Variants in WTAP observed in about 807,000 individuals in gnomAD.
WTAP encodes WT1 associated protein, also known as pre-mRNA-splicing regulator WTAP.
Under a neutral mutation model 50.0 loss-of-function variants are expected in WTAP, and 8 were observed. The ratio of observed to expected loss-of-function variants is 0.16; its 90% CI spans 0.09 to 0.29. The LOEUF (loss-of-function observed/expected upper bound fraction) is 0.29, where lower values mean the gene tolerates loss of function less well. WTAP is among the 10% of genes least tolerant of loss of function. The pLI, the probability that WTAP is intolerant of heterozygous loss-of-function variation, is 1.00. For synonymous variants in WTAP, 194 were observed against 169.0 expected (o/e 1.15, Z -1.15); for missense variants, 295 against 470.7 (o/e 0.63, Z 3.45).
At chr6:159,745,596 G>A (rs1779527801) in intron 5 of WTAP, among the ~76,000 whole-genome samples, 1 of 152,134 alleles carries the variant, frequency 6.6e-6, no homozygotes, top group Non-Finnish European at 1.5e-5. Context: ...TGAGGATAAA[G>A]TTTCAGGTGA....
In WTAP at chr6:159,753,727, T is replaced by TG. The variant is rs1177340221; in HGVS notation, c.607+114dup. The stretch of plus-strand genomic sequence containing the variant: ...CTGTACATTGTTAACCTCTGCCCTA[T>TG]GATTGTATATTATTGTGAGTGAAGC... On this transcript the variant is annotated intron_variant, in intron 7 of 7. Coordinates refer to ENST00000621533, the MANE Select transcript of WTAP (RefSeq NM_001270531.2). The TG allele has an allele frequency of 4.7e-5, 62 of 1,323,204 alleles. 1 individual carries two copies. The highest frequency in any genetic ancestry group is 6.1e-6 in the Non-Finnish European group (6 of 984,556). The allele number at this position is 1,323,204 out of a possible 1,614,324, so 82.0% of individuals were successfully genotyped here.
At position 159,727,749 on chromosome 6, in the gene WTAP, G is replaced by C. The variant is rs1009295710; in HGVS notation, c.-9+46G>C. 7.1e-6 allele frequency: 7 copies of C among 983,648 alleles called. No individual in the cohort carries two copies. In the African/African-American group the frequency reaches 8.7e-5, roughly 12 times the overall value. The allele number at this position is 983,648 out of a possible 1,614,324, so 60.9% of individuals were successfully genotyped here. A position where few individuals can be genotyped will look rare whatever the true frequency, so the allele number is the denominator to read the frequency against. ...GGGAGCGGACGCGGGGGACCTCCGG[G>C]GCCTGAGGGCTGATGCGCAGCCGCC... On this transcript the variant is annotated intron_variant, in intron 1 of 7. Transcript: ENST00000621533.
intron 3 of WTAP, among the ~76,000 whole-genome samples, chr6:159,740,295 T>A (rs1331859145): frequency 1.3e-5 from 2 of 152,228 alleles, no homozygotes; most frequent in Non-Finnish European, 2.9e-5. Flanking sequence ...AGAAATGTTT[T>A]ATTTTAAGAT....
At chr6:159,742,299 T>C (rs773529225) in intron 4 of WTAP, among the ~76,000 whole-genome samples, 153 bp downstream of exon 4, 4 of 152,200 alleles carry the variant, frequency 2.6e-5, no homozygotes, top group Non-Finnish European at 4.4e-5. Flanking sequence ...CAAGAAAATA[T>C]AAAGATGAAT....
chr6:159,747,364 C>G (rs930662473), intron 5 of WTAP, among the ~76,000 whole-genome samples: 3 of 152,042 alleles, frequency 2.0e-5, no homozygotes, highest in Non-Finnish European at 4.4e-5. Context: ...AATTGTAGTC[C>G]CGCTATGGCA....
At chr6:159,729,475 T>C (rs1166464768) in intron 1 of WTAP, among the ~76,000 whole-genome samples, 3 of 152,234 alleles carry the variant, frequency 2.0e-5, no homozygotes, top group Admixed American at 2.0e-4. Context: ...TTGCTGTAAA[T>C]ATTTTCTGCC....
intron 6 of WTAP, among the ~76,000 whole-genome samples, chr6:159,752,359 TTC>T (rs1382405218): frequency 8.5e-5 from 13 of 152,232 alleles, no homozygotes; most frequent in African/African-American, 2.7e-4. Context: ...TTCTTTTTTT[TTC>T]TTTTTTCATA....
At chr6:159,743,070 C>T (rs909003728) in intron 4 of WTAP, among the ~76,000 whole-genome samples, 1 of 152,236 alleles carries the variant, frequency 6.6e-6, no homozygotes, top group African/African-American at 2.4e-5. Flanking sequence ...TTGTTTGAGA[C>T]AGGGTCTCGC....
chr6:159,739,509 G>A (rs577971982), intron 3 of WTAP, among the ~76,000 whole-genome samples: 10 of 152,274 alleles, frequency 6.6e-5, no homozygotes, highest in Admixed American at 2.6e-4. Context: ...AATTTCTGCG[G>A]TTATCTTGTA....
intron 6 of WTAP, among the ~76,000 whole-genome samples, chr6:159,752,166 G>T (rs2114955693): frequency 6.6e-6 from 1 of 152,094 alleles, no homozygotes; most frequent in East Asian, 1.9e-4. Flanking sequence ...AAGGCATACT[G>T]AAGTAGTGTA....
intron 1 of WTAP, among the ~76,000 whole-genome samples, chr6:159,729,865 G>T (rs1163730066): frequency 2.6e-5 from 4 of 152,142 alleles, no homozygotes; most frequent in Admixed American, 6.5e-5. Flanking sequence ...CGTTCAGAGG[G>T]AACTGAGTTA....
intron 1 of WTAP, among the ~76,000 whole-genome samples, chr6:159,732,917 G>T (rs936271318): frequency 7.2e-6 from 1 of 139,064 alleles, no homozygotes; most frequent in Admixed American, 7.5e-5. Context: ...GTGTGTGTGT[G>T]TAAAATTGAT....
At chr6:159,742,212 T>C (rs1161266665) in intron 4 of WTAP, 66 bp downstream of exon 4, 3 of 1,350,962 alleles carry the variant, frequency 2.2e-6, no homozygotes, top group Non-Finnish European at 3.1e-6. Flanking sequence ...ATCAAAAGGA[T>C]AGTTGTTTTT....
At chr6:159,727,262 T>C, upstream of WTAP, 1 of 1,282,970 alleles carries the variant, frequency 7.8e-7, no homozygotes, top group Non-Finnish European at 1.0e-6. Flanking sequence ...CTCCCTCCCT[T>C]CACCTTTCCT....
intron 3 of WTAP, 57 bp downstream of exon 3, chr6:159,739,102 C>G (rs1481191969): frequency 1.5e-6 from 2 of 1,344,736 alleles, no homozygotes; most frequent in African/African-American, 1.5e-5. Context: ...TATTGTGACT[C>G]TACACTGTAA....
Position 159,755,537 on chromosome 6 carries a change from A to C in WTAP, c.1117A>C (p.Asn373His). ...QEEKAVSGKG[N>H]RTVGSRHVQN... Reference sequence around the variant, plus strand: ...GGAGAAAGCAGTGAGTGGGAAAGGTAATCGAACTGTGGGTTCCCGCCACGT... The same window carrying C: ...GGAGAAAGCAGTGAGTGGGAAAGGTCATCGAACTGTGGGTTCCCGCCACGT... The change falls in exon 8 of 8, where the codon AAT (asparagine) becomes CAT (histidine). Residue 373 changes from asparagine to histidine, a missense_variant. Physicochemically the swap from Asn to His is moderately conservative, Grantham distance 68. Coordinates refer to ENST00000621533, the MANE Select transcript of WTAP (RefSeq NM_001270531.2). 2.5e-6 allele frequency: 4 copies of C among 1,614,188 alleles called. No homozygotes were observed. Among genetic ancestry groups the C allele is most frequent in the Non-Finnish European group, 3.4e-6 (4 of 1,180,036 alleles).
At chr6:159,732,817 G>A (rs557839275) in intron 1 of WTAP, among the ~76,000 whole-genome samples, 2 of 152,000 alleles carry the variant, frequency 1.3e-5, no homozygotes, top group Admixed American at 1.3e-4. Flanking sequence ...GAGACCGGGC[G>A]CAGGGGGAGG....
rs1461764977 is a variant in WTAP, at chr6:159,755,219, A to C, written c.799A>C (p.Ser267Arg). 4.3e-6 allele frequency: 7 copies of C among 1,614,112 alleles called. No homozygotes were observed. Residue 267 changes from serine (S) to arginine (R), a missense_variant, in exon 8 of 8, where the codon AGT becomes CGT. Around this residue, in one of 2 missense-constraint regions of WTAP, gnomAD observed 175 missense variants for 183.1 expected, o/e 0.96. Coordinates refer to ENST00000621533, the MANE Select transcript of WTAP (RefSeq NM_001270531.2). Reference sequence around the variant, plus strand: ...ACCTGTAGAACAGTCAGAGGCCACAAGTAAAGACTGCAGTCGTCTGACAAA... The same window carrying C: ...ACCTGTAGAACAGTCAGAGGCCACACGTAAAGACTGCAGTCGTCTGACAAA... Reference protein sequence around the residue: ...SEPVEQSEATSKDCSRLTNGP... With the variant: ...SEPVEQSEATRKDCSRLTNGP...
intron 5 of WTAP, among the ~76,000 whole-genome samples, chr6:159,744,470 A>C (rs1562461898): frequency 6.6e-6 from 1 of 152,166 alleles, no homozygotes; most frequent in Non-Finnish European, 1.5e-5. Context: ...GTGTTATTAA[A>C]GTCTTCTAAG....
Sources: allele counts gnomAD v4.1 joint callset (sites outside exome capture counted in the v4.1 genomes callset), GRCh38; gene constraint gnomAD v4.1.1; regional missense constraint gnomAD v4.1.1; transcripts MANE v1.5; gene names NCBI Gene and HGNC (gene_info 2026-07-23, HGNC 2026-07-21).